Variants in GLRA2 observed in about 807,000 individuals in gnomAD.
GLRA2 encodes the protein glycine receptor subunit alpha-2.
In GLRA2, 11 loss-of-function variants were observed where a neutral mutation model predicts 31.6. The observed-to-expected ratio is 0.35, with a 90% CI of 0.22 to 0.58. The LOEUF is 0.58. Ranked by LOEUF, GLRA2 falls within the 20% of genes least tolerant of loss-of-function variation. GLRA2 has a pLI of 0.84. For missense variants in GLRA2, 212 were observed against 351.8 expected (o/e 0.60, Z 3.18); for synonymous variants, 132 against 134.0 (o/e 0.99, Z 0.10).
At chrX:14,721,704 G>C (rs183339301) in intron 8 of GLRA2, among the ~76,000 whole-genome samples, 1 of 110,943 alleles carries the variant, frequency 9.0e-6, no homozygotes, top group Non-Finnish European at 1.9e-5. Flanking sequence ...AGGACCCTTC[G>C]CAGGCTGAAA....
intron 7 of GLRA2, among the ~76,000 whole-genome samples, chrX:14,664,738 A>G (rs765126205): frequency 1.8e-5 from 2 of 112,493 alleles, no homozygotes; most frequent in South Asian, 7.4e-4. Flanking sequence ...AATGACCTCA[A>G]AATCATTTGT....
the GLRA2 span, among the ~76,000 whole-genome samples, chrX:14,475,171 T>G: frequency 8.9e-6 from 1 of 112,295 alleles, no homozygotes; most frequent in African/African-American, 3.2e-5. Flanking sequence ...CCAATATATG[T>G]TTTCTTTTAC....
At chrX:14,518,254 CTT>C in the GLRA2 span, among the ~76,000 whole-genome samples, 4 of 111,811 alleles carry the variant, frequency 3.6e-5, no homozygotes, top group Admixed American at 1.9e-4. Flanking sequence ...TAGTTATAAC[CTT>C]TTTACATTAT....
chrX:14,685,503 G>T (rs2091265737), intron 7 of GLRA2, among the ~76,000 whole-genome samples: 1 of 111,308 alleles, frequency 9.0e-6, no homozygotes, highest in Non-Finnish European at 1.9e-5. Flanking sequence ...AGCCTGTTAT[G>T]GGTCTATTCA....
intron 5 of GLRA2, among the ~76,000 whole-genome samples, chrX:14,604,945 C>T (rs187364543): frequency 4.5e-5 from 5 of 110,476 alleles, no homozygotes; most frequent in Admixed American, 9.7e-5. Flanking sequence ...GAATAAGAGG[C>T]ATTTCTCTTA....
chrX:14,672,622 C>G lies in GLRA2; in HGVS notation c.931-18088C>G, dbSNP rs780445422. On this transcript the variant is annotated intron_variant, in intron 7 of 8. Transcript: ENST00000218075. The stretch of plus-strand genomic sequence containing the variant: ...AGCTGACTTGTATCAAAATGCTGCT[C>G]AACTATAGGAAGTGGATACAGTAGA... Among the ~76,000 whole-genome samples, 7 of 111,394 alleles carry G rather than the reference C, an allele frequency of 6.3e-5. No individual in the cohort carries two copies. The South Asian group carries it at 2.6e-3, about 42-fold the overall frequency.
chrX:14,494,054 G>T, the GLRA2 span, among the ~76,000 whole-genome samples: 1 of 110,731 alleles, frequency 9.0e-6, no homozygotes, highest in Non-Finnish European at 1.9e-5. Flanking sequence ...AAAAAATGTT[G>T]CATTTAAGAA....
At chrX:14,659,259 T>C (rs2090969322) in intron 7 of GLRA2, among the ~76,000 whole-genome samples, 1 of 112,276 alleles carries the variant, frequency 8.9e-6, no homozygotes, top group Non-Finnish European at 1.9e-5. Context: ...AAATGCTTAC[T>C]GTATGGCTTT....
intron 7 of GLRA2, among the ~76,000 whole-genome samples, chrX:14,621,767 T>C (rs993764145): frequency 3.6e-5 from 4 of 112,389 alleles, no homozygotes; most frequent in Non-Finnish European, 5.6e-5. Context: ...CTATCATAGG[T>C]AGACATTTGG....
chrX:14,560,880 A>G (rs2089722723), intron 2 of GLRA2, among the ~76,000 whole-genome samples: 3 of 109,595 alleles, frequency 2.7e-5, no homozygotes, highest in Non-Finnish European at 5.7e-5. Context: ...AAACATATAT[A>G]TATATACATA....
chrX:14,523,175 A>T, the GLRA2 span, among the ~76,000 whole-genome samples: 2 of 112,265 alleles, frequency 1.8e-5, no homozygotes, highest in Non-Finnish European at 3.8e-5. Flanking sequence ...TTACTCGAGC[A>T]CGTTGCATTT....
chrX:14,459,431 G>A, the GLRA2 span, among the ~76,000 whole-genome samples: 1 of 110,512 alleles, frequency 9.0e-6, no homozygotes, highest in African/African-American at 3.3e-5. Context: ...TAGCTTGATG[G>A]GGATGGCATT....
At chrX:14,471,510 G>T in the GLRA2 span, among the ~76,000 whole-genome samples, 1 of 112,169 alleles carries the variant, frequency 8.9e-6, no homozygotes, top group South Asian at 3.7e-4. Context: ...AGCAAATGCT[G>T]TGGTAGGCTA....
At chrX:14,637,478 T>C (rs1240740920) in intron 7 of GLRA2, among the ~76,000 whole-genome samples, 1 of 112,095 alleles carries the variant, frequency 8.9e-6, no homozygotes, top group Non-Finnish European at 1.9e-5. Flanking sequence ...CATAAATATT[T>C]AGCACTTCTG....
At chrX:14,533,962 T>C (rs1174199016) in intron 2 of GLRA2, among the ~76,000 whole-genome samples, 1 of 111,575 alleles carries the variant, frequency 9.0e-6, no homozygotes, top group Non-Finnish European at 1.9e-5. Context: ...TTTACAAGCA[T>C]CTTCTTTCAT....
intron 7 of GLRA2, among the ~76,000 whole-genome samples, chrX:14,666,136 T>C (rs1020935944): frequency 2.7e-5 from 3 of 112,399 alleles, no homozygotes; most frequent in Non-Finnish European, 5.6e-5. Context: ...ATTTTCATAA[T>C]GTTACTCATT....
chrX:14,720,963 C>T (rs1195188474), intron 8 of GLRA2, among the ~76,000 whole-genome samples: 1 of 109,080 alleles, frequency 9.2e-6, no homozygotes, highest in Non-Finnish European at 1.9e-5. Flanking sequence ...GAGACCCCCA[C>T]CTCTACAAAA....
At chrX:14,592,321 A>G (rs1007437001) in intron 4 of GLRA2, among the ~76,000 whole-genome samples, 1 of 111,108 alleles carries the variant, frequency 9.0e-6, no homozygotes. Context: ...GAGGAACCTG[A>G]TTTTGGAGTA....
intron 1 of GLRA2, among the ~76,000 whole-genome samples, chrX:14,530,768 T>A (rs1199100145): frequency 3.6e-5 from 4 of 111,904 alleles, no homozygotes; most frequent in African/African-American, 9.7e-5. Flanking sequence ...GAGAAATTAC[T>A]ATTTTCATGC....
Sources: gnomAD v4.1 joint callset for allele counts (sites outside exome capture counted in the v4.1 genomes callset) on GRCh38, gnomAD v4.1.1 for gene constraint, MANE v1.5 for transcripts, NCBI Gene and HGNC (gene_info 2026-07-23, HGNC 2026-07-21) for gene names.